The following TBC1D22B variants were observed in gnomAD, a reference collection of about 807,000 sequenced individuals.
The protein encoded by TBC1D22B is TBC1 domain family member 22B, also known as chromosome 6 open reading frame 197.
In TBC1D22B, 32 loss-of-function variants were observed where a neutral mutation model predicts 69.1. That is an observed-to-expected ratio of 0.46 (90% CI 0.35 to 0.62). The LOEUF is 0.62. TBC1D22B is among the 20% of genes least tolerant of loss of function. The pLI, the probability that TBC1D22B is intolerant of heterozygous loss-of-function variation, is 0.00. For synonymous variants in TBC1D22B, 206 were observed against 229.8 expected (o/e 0.90, Z 0.94); for missense variants, 462 against 630.9 (o/e 0.73, Z 2.87).
At chr6:37,294,736 G>C (rs549500753) in intron 8 of TBC1D22B, among the ~76,000 whole-genome samples, 3 of 152,268 alleles carry the variant, frequency 2.0e-5, no homozygotes, top group South Asian at 4.1e-4. Flanking sequence ...CCACTGTTGA[G>C]ACCTCTTGCT....
At chr6:37,258,768 C>T (rs1765945506) in intron 1 of TBC1D22B, among the ~76,000 whole-genome samples, 1 of 151,972 alleles carries the variant, frequency 6.6e-6, no homozygotes, top group African/African-American at 2.4e-5. Flanking sequence ...TGTTGGTTTA[C>T]TGTTTCAGTT....
At chr6:37,302,214 T>A (rs1275331786) in intron 8 of TBC1D22B, among the ~76,000 whole-genome samples, 1 of 152,234 alleles carries the variant, frequency 6.6e-6, no homozygotes, top group Non-Finnish European at 1.5e-5. Context: ...CCAAGCAGCT[T>A]CTTTATCTGC....
intron 8 of TBC1D22B, among the ~76,000 whole-genome samples, chr6:37,310,148 ATATAG>A (rs1767858429): frequency 6.8e-6 from 1 of 147,154 alleles, no homozygotes; most frequent in Admixed American, 6.8e-5. Flanking sequence ...AAGTATATCT[ATATAG>A]ATATACTTAC....
At chr6:37,277,267 T>C (rs1335752605) in intron 2 of TBC1D22B, among the ~76,000 whole-genome samples, 1 of 152,160 alleles carries the variant, frequency 6.6e-6, no homozygotes, top group Non-Finnish European at 1.5e-5. Context: ...AACCACATAC[T>C]CCTGGGTGTT....
At chr6:37,303,010 A>G (rs548685639) in intron 8 of TBC1D22B, among the ~76,000 whole-genome samples, 5 of 152,326 alleles carry the variant, frequency 3.3e-5, no homozygotes, top group South Asian at 2.1e-4. Context: ...CATCACATCA[A>G]TATTCCAGCC....
chr6:37,300,939 A>G (rs927622479), intron 8 of TBC1D22B, among the ~76,000 whole-genome samples: 2 of 152,092 alleles, frequency 1.3e-5, no homozygotes, highest in Non-Finnish European at 2.9e-5. Context: ...ACAGTTGTCA[A>G]ATTTGTACCC....
chr6:37,322,356 GGTGAAACTCCGTCAGCCAGGT>G (rs1269801178), intron 12 of TBC1D22B, among the ~76,000 whole-genome samples: 1 of 152,132 alleles, frequency 6.6e-6, no homozygotes, highest in East Asian at 1.9e-4. Flanking sequence ...TGGCCAACGT[GGTGAAACTCCGTCAGCCAGGT>G]GTGATGGCAC....
At chr6:37,273,178 C>T (rs892745777) in intron 2 of TBC1D22B, among the ~76,000 whole-genome samples, 1 of 112,504 alleles carries the variant, frequency 8.9e-6, no homozygotes, top group Non-Finnish European at 1.8e-5. Flanking sequence ...CTCGTAACCC[C>T]GAGGCAAAAA....
intron 8 of TBC1D22B, among the ~76,000 whole-genome samples, chr6:37,298,630 C>T (rs1248759466): frequency 6.7e-6 from 1 of 150,018 alleles, no homozygotes; most frequent in Non-Finnish European, 1.5e-5. Context: ...ACTGCAAGCT[C>T]CGCCTCCCGG....
chr6:37,329,690 A>G (rs1002983954), intron 12 of TBC1D22B, among the ~76,000 whole-genome samples: 3 of 152,192 alleles, frequency 2.0e-5, no homozygotes, highest in Non-Finnish European at 4.4e-5. Flanking sequence ...GGCTAACATT[A>G]TGGTTTTGGA....
chr6:37,302,591 A>G (rs1423338825), intron 8 of TBC1D22B, among the ~76,000 whole-genome samples: 2 of 152,216 alleles, frequency 1.3e-5, no homozygotes, highest in African/African-American at 2.4e-5. Context: ...TAGGTACAAA[A>G]TGCAACACCA....
At chr6:37,282,474 C>A in intron 4 of TBC1D22B, 110 bp downstream of exon 4, 1 of 1,280,028 alleles carries the variant, frequency 7.8e-7, no homozygotes, top group Non-Finnish European at 1.1e-6. Context: ...CTAGCTTCTC[C>A]TGACCTGGTG....
In TBC1D22B at chr6:37,311,367, A is replaced by G. The variant is rs16889675; in HGVS notation, c.983-1551A>G. Among the ~76,000 whole-genome samples the G allele has an allele frequency of 1.5e-3, 222 of 152,184 alleles. 1 individual carries two copies. The highest frequency in any genetic ancestry group is 5.1e-3 in the African/African-American group (210 of 41,518). On this transcript the variant is annotated intron_variant, in intron 8 of 12. Coordinates refer to ENST00000373491, the MANE Select transcript of TBC1D22B (RefSeq NM_017772.4). ...GGTTCAGATATAGGTCTTAGTAACA[A>G]TGCTTAGAAATGAAAAGGCTGGGGT...
At chr6:37,263,060 T>C (rs1766161465) in intron 1 of TBC1D22B, among the ~76,000 whole-genome samples, 1 of 152,254 alleles carries the variant, frequency 6.6e-6, no homozygotes, top group Non-Finnish European at 1.5e-5. Context: ...CTCTGGTTTT[T>C]AGGTCTAGCT....
intron 2 of TBC1D22B, among the ~76,000 whole-genome samples, chr6:37,278,230 G>A (rs1261870787): frequency 3.3e-5 from 5 of 152,176 alleles, no homozygotes; most frequent in African/African-American, 1.2e-4. Flanking sequence ...TGATTCTGAG[G>A]CTGCCGTCAC....
chr6:37,269,101 C>T (rs1239860584), intron 1 of TBC1D22B, among the ~76,000 whole-genome samples: 3 of 152,086 alleles, frequency 2.0e-5, no homozygotes, highest in Non-Finnish European at 2.9e-5. Context: ...ATATTTCATT[C>T]TTCCTAGATA....
At chr6:37,323,199 G>A (rs1255069932) in intron 12 of TBC1D22B, among the ~76,000 whole-genome samples, 1 of 152,106 alleles carries the variant, frequency 6.6e-6, no homozygotes, top group African/African-American at 2.4e-5. Flanking sequence ...ACCATGCAGG[G>A]CACTCTGAGG....
intron 8 of TBC1D22B, among the ~76,000 whole-genome samples, chr6:37,293,223 G>A (rs1025456722): frequency 5.3e-5 from 8 of 151,660 alleles, no homozygotes; most frequent in African/African-American, 1.7e-4. Context: ...GACTACAGGC[G>A]CCTGCCACCA....
chr6:37,296,494 G>A (rs1767376968), intron 8 of TBC1D22B, among the ~76,000 whole-genome samples: 1 of 152,060 alleles, frequency 6.6e-6, no homozygotes, highest in Non-Finnish European at 1.5e-5. Context: ...GACTACAGGG[G>A]AGTGCCATCA....
Sources: allele counts gnomAD v4.1 joint callset (sites outside exome capture counted in the v4.1 genomes callset), GRCh38; gene constraint gnomAD v4.1.1; transcripts MANE v1.5; gene names NCBI Gene and HGNC (gene_info 2026-07-23, HGNC 2026-07-21).